Variants in ZNF571 observed in about 807,000 individuals in gnomAD.
The protein encoded by ZNF571 is zinc finger protein 571.
Under a neutral mutation model 7.7 loss-of-function variants are expected in ZNF571, and 4 were observed. The observed-to-expected ratio is 0.52, with a 90% CI of 0.25 to 1.18. The LOEUF (loss-of-function observed/expected upper bound fraction) is 1.18, where lower values mean the gene tolerates loss of function less well. ZNF571 is among the 50% of genes most tolerant of loss of function. The pLI is 0.14. For missense variants in ZNF571, 704 were observed against 726.9 expected (o/e 0.97, Z 0.36); for synonymous variants, 251 against 232.4 (o/e 1.08, Z -0.73).
chr19:37,585,777 G>A (rs939407744), intron 2 of ZNF571: 6 of 152,176 alleles, frequency 3.9e-5, no homozygotes, highest in African/African-American at 1.4e-4. Flanking sequence ...GACTTTAGAA[G>A]TGCAATTAAA....
At chr19:37,576,367 C>T (rs182532868) in intron 3 of ZNF571, among the ~76,000 whole-genome samples, 1 of 152,098 alleles carries the variant, frequency 6.6e-6, no homozygotes, top group Non-Finnish European at 1.5e-5. Context: ...GTAACACTTG[C>T]AACTATCTGC....
intron 3 of ZNF571, among the ~76,000 whole-genome samples, chr19:37,571,964 ATCT>A (rs1281905773): frequency 6.6e-6 from 1 of 152,248 alleles, no homozygotes; most frequent in Admixed American, 6.5e-5. Flanking sequence ...TTTAAATTAT[ATCT>A]TTTTTTATGA....
chr19:37,576,648 T>C (rs1280616307), intron 3 of ZNF571, among the ~76,000 whole-genome samples: 9 of 152,142 alleles, frequency 5.9e-5, no homozygotes, highest in Non-Finnish European at 1.2e-4. Flanking sequence ...ATGTTTAAGA[T>C]TATAAACAAA....
chr19:37,568,581 T>C (rs1291733127), intron 3 of ZNF571, among the ~76,000 whole-genome samples: 1 of 152,146 alleles, frequency 6.6e-6, no homozygotes, highest in Non-Finnish European at 1.5e-5. Context: ...CTAATATGAT[T>C]CTGGGGTAGG....
intron 1 of ZNF571, 146 bp from the exon 2 acceptor site, chr19:37,586,891 G>A: frequency 1.7e-6 from 1 of 596,022 alleles, no homozygotes; most frequent in Non-Finnish European, 3.0e-6. Context: ...AGCTACTGCA[G>A]AAGGGGTTCA....
In ZNF571 at chr19:37,583,978, G is replaced by A; in HGVS notation, c.129C>T (p.Ile43=). Residue 43 remains isoleucine (I), a synonymous_variant, in exon 3 of 4, where the codon ATC becomes ATT. Transcript: ENST00000451802. ...TACGTAGGATGATCTTACCCAATGAGATCAGGTTGCTGTAGTTCTCCAACA... is the reference window on the plus strand; with the variant it reads ...TACGTAGGATGATCTTACCCAATGAAATCAGGTTGCTGTAGTTCTCCAACA... ...DVMLENYSNL[I]SLDLESSCVT... is the part of the protein sequence containing the mutation. 1 of 1,609,772 alleles carries A rather than the reference G, an allele frequency of 6.2e-7. No individual in the cohort carries two copies. Among genetic ancestry groups the A allele is most frequent in the Non-Finnish European group, 8.5e-7 (1 of 1,177,582 alleles).
chr19:37,586,663 C>A lies in ZNF571; in HGVS notation c.9+5G>T. 1 of 1,614,084 alleles carries A rather than the reference C, an allele frequency of 6.2e-7. No homozygotes were observed. Among genetic ancestry groups the A allele is most frequent in the Non-Finnish European group, 8.5e-7 (1 of 1,179,982 alleles). On this transcript the variant is annotated splice_donor_5th_base_variant and intron_variant, in intron 2 of 3. Transcript: ENST00000451802. ...ACTTCAAGAAGGAAAGAAACAGCAA[C>A]TCACGTGGGGCATGGTTTTTTAGAA...
intron 3 of ZNF571, among the ~76,000 whole-genome samples, chr19:37,581,466 C>CA (rs2043459941): frequency 7.2e-6 from 1 of 138,730 alleles, no homozygotes; most frequent in Non-Finnish European, 1.6e-5. Context: ...TTCTTTCTTT[C>CA]TTTTTTTTTT....
At chr19:37,594,508 A>T (rs2043960034) in intron 1 of ZNF571, 1 of 152,196 alleles carries the variant, frequency 6.6e-6, no homozygotes, top group Non-Finnish European at 1.5e-5. Context: ...GTGCGGAGGA[A>T]CACAACTAGC....
At chr19:37,590,659 CAAAA>C (rs928875282) in intron 1 of ZNF571, among the ~76,000 whole-genome samples, 1 of 151,934 alleles carries the variant, frequency 6.6e-6, no homozygotes, top group African/African-American at 2.4e-5. Flanking sequence ...AATTAGCAAA[CAAAA>C]AAGCAAAATG....
chr19:37,587,844 C>T (rs762227383), intron 1 of ZNF571, among the ~76,000 whole-genome samples: 19 of 151,964 alleles, frequency 1.3e-4, no homozygotes, highest in South Asian at 2.1e-4. Context: ...GTTGGCTGCA[C>T]GCAGTGGCTC....
intron 1 of ZNF571, among the ~76,000 whole-genome samples, chr19:37,591,059 T>C (rs1359771688): frequency 6.6e-6 from 1 of 152,236 alleles, no homozygotes; most frequent in Non-Finnish European, 1.5e-5. Context: ...TGAACTATTA[T>C]TATAAATTCA....
At chr19:37,568,297 T>C (rs2042932477) in intron 3 of ZNF571, among the ~76,000 whole-genome samples, 1 of 147,658 alleles carries the variant, frequency 6.8e-6, no homozygotes, top group Non-Finnish European at 1.5e-5. Context: ...CAAAAAGAAA[T>C]GATAAAAACA....
intron 3 of ZNF571, among the ~76,000 whole-genome samples, chr19:37,573,183 A>G (rs775327559): frequency 3.9e-5 from 6 of 151,998 alleles, no homozygotes; most frequent in Non-Finnish European, 7.4e-5. Context: ...AACAGAAATT[A>G]TATCATTTTT....
At chr19:37,586,589 G>A (rs1056021242) in intron 2 of ZNF571, 79 bp downstream of exon 2, 1 of 1,564,270 alleles carries the variant, frequency 6.4e-7, no homozygotes. Flanking sequence ...AACAAGGCAG[G>A]AAATTCTGGG....
At position 37,581,450 on chromosome 19, in the gene ZNF571, ATTTC is replaced by A. The variant is rs767046208; in HGVS notation, c.136+2517_136+2520del. ...ACCACCCCTCCAGCATTTTATCTCC[ATTTC>A]TTTCTTTCTTTCTTTTTTTTTTTTT... On this transcript the variant is annotated intron_variant, in intron 3 of 3. Coordinates refer to ENST00000451802, the MANE Select transcript of ZNF571 (RefSeq NM_016536.5). Among the ~76,000 whole-genome samples, 54 of 144,366 alleles carry A rather than the reference ATTTC, an allele frequency of 3.7e-4. 1 individual carries two copies. In the South Asian group the frequency reaches 5.7e-3, roughly 15 times the overall value. The allele number at this position is 144,366 out of a possible 152,430, so 94.7% of individuals were successfully genotyped here.
chr19:37,568,434 G>T (rs1054752625), intron 3 of ZNF571, among the ~76,000 whole-genome samples: 17 of 151,808 alleles, frequency 1.1e-4, no homozygotes, highest in African/African-American at 3.4e-4. Context: ...GAACAATATG[G>T]TTTATAAAAC....
At chr19:37,580,239 CT>C in intron 3 of ZNF571, among the ~76,000 whole-genome samples, 1 of 152,328 alleles carries the variant, frequency 6.6e-6, no homozygotes, top group African/African-American at 2.4e-5. Flanking sequence ...CTAACAGGAA[CT>C]GTTCTAACTC....
chr19:37,572,288 C>A (rs960438489), intron 3 of ZNF571, among the ~76,000 whole-genome samples: 1 of 152,166 alleles, frequency 6.6e-6, no homozygotes, highest in Admixed American at 6.5e-5. Flanking sequence ...TGTGTGGTTT[C>A]AGTTACTCAT....
Sources: gnomAD v4.1 joint callset for allele counts (sites outside exome capture counted in the v4.1 genomes callset) on GRCh38, gnomAD v4.1.1 for gene constraint, MANE v1.5 for transcripts, NCBI Gene and HGNC (gene_info 2026-07-23, HGNC 2026-07-21) for gene names.